KIAA0513: variants seen among roughly 807,000 people sequenced by gnomAD.
KIAA0513 encodes the protein uncharacterized protein KIAA0513.
KIAA0513 carries 39 observed loss-of-function variants against 56.5 expected under a neutral mutation model. That is an observed-to-expected ratio of 0.69 (90% CI 0.53 to 0.90). KIAA0513 has a LOEUF of 0.90. KIAA0513 is among the 40% of genes least tolerant of loss of function. The probability of loss-of-function intolerance (pLI) is 0.00; values close to 1 mark genes in which losing one functional copy is unlikely to be tolerated. For missense variants in KIAA0513, 591 were observed against 535.2 expected, an observed-to-expected ratio of 1.10 and a Z score of -1.03; for synonymous variants, 268 against 215.6, an observed-to-expected ratio of 1.24 and a Z score of -2.13.
chr16:85,035,179 C>T (rs755126204), intron 1 of KIAA0513, among the ~76,000 whole-genome samples: 1 of 152,220 alleles, frequency 6.6e-6, no homozygotes, highest in African/African-American at 2.4e-5. Flanking sequence ...GTCTGTCCCC[C>T]ATTCCGTGGC....
intron 1 of KIAA0513, among the ~76,000 whole-genome samples, chr16:85,031,268 C>T (rs1203563459): frequency 6.6e-6 from 1 of 152,070 alleles, no homozygotes; most frequent in Non-Finnish European, 1.5e-5. Flanking sequence ...ATCACTTGAG[C>T]CCAGGAGTTC....
chr16:85,093,880 C>T lies in KIAA0513; in HGVS notation c.*5555C>T, dbSNP rs1360254165. The T allele has an allele frequency of 1.3e-5, 2 of 152,382 alleles. No individual in the cohort carries two copies. Among genetic ancestry groups the T allele is most frequent in the East Asian group, 3.9e-4 (2 of 5,188 alleles). 9.4% of individuals were successfully genotyped at this position (152,382 alleles called of 1,614,324 possible). A position where few individuals can be genotyped will look rare whatever the true frequency, so the allele number is the denominator to read the frequency against. ...TGTCAGAACACGGTTGACCTGCCGC[C>T]TTCTTGAACCTGGTGGCCCCCGTTG... On this transcript the variant is annotated 3_prime_UTR_variant, in exon 13 of 13. Transcript: ENST00000683363.
chr16:85,070,574 A>T lies in KIAA0513; in HGVS notation c.330-1209A>T, dbSNP rs2073558723. ...GTGCCTGTAATCCCTGCTACTCGGGAGGCTGAGGCAGGAAAATCACTTGAA... is the reference window on the plus strand; with the variant it reads ...GTGCCTGTAATCCCTGCTACTCGGGTGGCTGAGGCAGGAAAATCACTTGAA... On this transcript the variant is annotated intron_variant, in intron 2 of 12. Transcript: ENST00000683363. 2.0e-5 allele frequency among the ~76,000 whole-genome samples: 3 copies of T among 152,190 alleles called. 1 individual carries two copies. In the South Asian group the frequency reaches 6.2e-4, roughly 32 times the overall value.
intron 4 of KIAA0513, among the ~76,000 whole-genome samples, chr16:85,074,431 C>T (rs1201511443): frequency 2.6e-5 from 4 of 152,094 alleles, no homozygotes; most frequent in African/African-American, 7.2e-5. Flanking sequence ...GATCCTCCTT[C>T]GTCAGCCTCC....
intron 1 of KIAA0513, among the ~76,000 whole-genome samples, chr16:85,034,843 T>A (rs1252454354): frequency 2.0e-5 from 3 of 152,096 alleles, no homozygotes; most frequent in Non-Finnish European, 4.4e-5. Flanking sequence ...CATCACACAG[T>A]GTGTAGGGGC....
At chr16:85,072,847 G>A in intron 3 of KIAA0513, 78 bp from the exon 4 acceptor site, 1 of 1,384,730 alleles carries the variant, frequency 7.2e-7, no homozygotes, top group Non-Finnish European at 1.0e-6. Context: ...AACACTGAGA[G>A]TGCAAAGCCT....
At chr16:85,051,385 C>G (rs990826792) in intron 1 of KIAA0513, among the ~76,000 whole-genome samples, 3 of 152,166 alleles carry the variant, frequency 2.0e-5, no homozygotes, top group African/African-American at 7.2e-5. Flanking sequence ...TGGAGAAGAA[C>G]TGCATTAAGC....
In KIAA0513 at chr16:85,081,115, C is replaced by T. The variant is rs557922802; in HGVS notation, c.903-200C>T. On this transcript the variant is annotated intron_variant, in intron 8 of 12. Transcript: ENST00000683363. This position sits in a 1 kb window ranked among gnomAD's most constrained non-coding sequence, Gnocchi z 4.4. ...GCCATCTCTCCTAAGAGATACGCAG[C>T]CGCTGGGAGCCCCAGGGAAACAGCT... is the stretch of plus-strand genomic sequence containing the variant. Among the ~76,000 whole-genome samples the T allele has an allele frequency of 1.3e-5, 2 of 152,358 alleles. No individual in the cohort carries two copies. Among genetic ancestry groups the T allele is most frequent in the South Asian group, 2.1e-4 (1 of 4,826 alleles).
chr16:85,028,644 G>T (rs1401095743), intron 1 of KIAA0513, among the ~76,000 whole-genome samples: 1 of 151,092 alleles, frequency 6.6e-6, no homozygotes, highest in African/African-American at 2.4e-5. Context: ...TCCTGGGTTT[G>T]TGCTTTCCTG....
chr16:85,032,381 C>T (rs567847097), intron 1 of KIAA0513, among the ~76,000 whole-genome samples: 2 of 152,312 alleles, frequency 1.3e-5, no homozygotes, highest in East Asian at 1.9e-4. Flanking sequence ...TTGCCCAGGC[C>T]GTAGTGCAGG....
chr16:85,079,157 G>T, intron 8 of KIAA0513, 154 bp downstream of exon 8: 2 of 1,454,174 alleles, frequency 1.4e-6, no homozygotes, highest in South Asian at 2.7e-5. Flanking sequence ...ACTCACAGGC[G>T]TTGGTGAGGA....
chr16:85,042,997 A>G (rs569858017), intron 1 of KIAA0513, among the ~76,000 whole-genome samples: 1 of 152,260 alleles, frequency 6.6e-6, no homozygotes, highest in Admixed American at 6.5e-5. Context: ...AACGGGTGGA[A>G]TAAACATCTT....
chr16:85,041,568 G>T (rs2073104062), intron 1 of KIAA0513, among the ~76,000 whole-genome samples: 1 of 152,206 alleles, frequency 6.6e-6, no homozygotes, highest in Admixed American at 6.5e-5. Context: ...GGGGCTTCAA[G>T]ATGGTTGCCA....
At chr16:85,066,798 A>C in intron 1 of KIAA0513, 102 bp from the exon 2 acceptor site, 1 of 400,026 alleles carries the variant, frequency 2.5e-6, no homozygotes, top group Non-Finnish European at 4.5e-6. Context: ...AGGCACCCCA[A>C]ATTCCGGAAG....
At chr16:85,071,127 G>A (rs1304388256) in intron 2 of KIAA0513, among the ~76,000 whole-genome samples, 3 of 151,912 alleles carry the variant, frequency 2.0e-5, no homozygotes. Context: ...GTGATGAGAA[G>A]TGGCCTGAAA....
At chr16:85,064,773 C>T (rs1250294702) in intron 1 of KIAA0513, among the ~76,000 whole-genome samples, 1 of 152,154 alleles carries the variant, frequency 6.6e-6, no homozygotes, top group Non-Finnish European at 1.5e-5. Flanking sequence ...GCAACCTCCG[C>T]CTCCTGGGTT....
intron 1 of KIAA0513, among the ~76,000 whole-genome samples, chr16:85,045,035 G>A (rs1157522619): frequency 6.6e-6 from 1 of 152,026 alleles, no homozygotes; most frequent in African/African-American, 2.4e-5. Flanking sequence ...GGAGAACGGC[G>A]TGAACCTGGG....
rs199615860 is a variant in KIAA0513 at position 85,078,452 on chromosome 16, G to T, written c.820G>T (p.Ala274Ser). 6.2e-7 allele frequency: 1 copy of T among 1,613,660 alleles called. No individual in the cohort carries two copies. The highest frequency in any genetic ancestry group is 1.1e-5 in the South Asian group (1 of 91,076). ...ENKPQEKRPR[A>S]VTAYSPEDEK... ...CAAACCCCAGGAGAAGCGGCCCAGG[G>T]CTGGTGAGTCTGCCCAGGCAGCAGC... The change falls in exon 7 of 13, where the codon GCT (alanine) becomes TCT (serine). Residue 274 changes from alanine to serine, a missense_variant. Transcript: ENST00000683363.
At chr16:85,047,447 C>T (rs779251588) in intron 1 of KIAA0513, among the ~76,000 whole-genome samples, 7 of 152,302 alleles carry the variant, frequency 4.6e-5, no homozygotes, top group East Asian at 3.9e-4. Flanking sequence ...AGCTCTGCCA[C>T]GCTTCTCCCG....
Sources: allele counts gnomAD v4.1 joint callset (sites outside exome capture counted in the v4.1 genomes callset), GRCh38; gene constraint gnomAD v4.1.1; non-coding constraint Gnocchi (gnomAD v3.1); transcripts MANE v1.5; gene names NCBI Gene and HGNC (gene_info 2026-07-23, HGNC 2026-07-21).